The following PDE4D variants were observed in gnomAD, a reference collection of about 807,000 sequenced individuals.
PDE4D encodes 3',5'-cyclic-AMP phosphodiesterase 4D.
In PDE4D, 24 loss-of-function variants were observed where a neutral mutation model predicts 87.4. The observed-to-expected ratio is 0.27, with a 90% CI of 0.20 to 0.39. The LOEUF is 0.39. Ranked by LOEUF, PDE4D falls within the 10% of genes least tolerant of loss-of-function variation. The pLI is 1.00. For missense variants in PDE4D, 714 were observed against 1,041.0 expected, an observed-to-expected ratio of 0.69 and a Z score of 4.32; for synonymous variants, 384 against 383.2, an observed-to-expected ratio of 1.00 and a Z score of -0.02.
At chr5:60,339,892 A>T (rs939560346) in intron 1 of PDE4D, among the ~76,000 whole-genome samples, 1 of 152,258 alleles carries the variant, frequency 6.6e-6, no homozygotes, top group Non-Finnish European at 1.5e-5. Flanking sequence ...GCAACTCAGC[A>T]TGTGCAGTTG....
chr5:59,884,428 T>C (rs1363157569), intron 1 of PDE4D, among the ~76,000 whole-genome samples: 1 of 151,948 alleles, frequency 6.6e-6, no homozygotes, highest in Non-Finnish European at 1.5e-5. Flanking sequence ...TATTCTGTCA[T>C]CTATTCTCTA....
chr5:60,211,008 G>A lies in PDE4D; in HGVS notation c.-89-25321C>T, dbSNP rs889305. 4.5e-3 allele frequency among the ~76,000 whole-genome samples: 680 copies of A among 152,312 alleles called. 5 individuals are homozygous for A. Among genetic ancestry groups the A allele is most frequent in the African/African-American group, 0.016 (656 of 41,574 alleles). On this transcript the variant is annotated intron_variant, in intron 1 of 16. Transcript: ENST00000502484. ...GGAGAGCCTGGCGCTGAGCCTGCAT[G>A]GGACTGGGGCGGACTGAGGGGCGCG...
chr5:60,266,850 G>A (rs2149714316), intron 1 of PDE4D, among the ~76,000 whole-genome samples: 1 of 152,294 alleles, frequency 6.6e-6, no homozygotes, highest in Middle Eastern at 3.4e-3. Flanking sequence ...TCAACCAAAT[G>A]ACTTAACTAT....
chr5:59,026,024 A>ACT (rs1756172097), intron 6 of PDE4D, among the ~76,000 whole-genome samples: 1 of 152,200 alleles, frequency 6.6e-6, no homozygotes, highest in East Asian at 1.9e-4. Flanking sequence ...ATTGCAGAAT[A>ACT]CTCTCTGACA....
At chr5:59,921,860 C>T (rs1308164988) in intron 3 of PDE4D, among the ~76,000 whole-genome samples, 1 of 152,114 alleles carries the variant, frequency 6.6e-6, no homozygotes, top group African/African-American at 2.4e-5. Context: ...ATGATCCACA[C>T]AAAAAGGTAC....
chr5:59,215,743 G>T (rs369905919), intron 2 of PDE4D, 34 bp downstream of exon 2: 38 of 1,580,954 alleles, frequency 2.4e-5, no homozygotes, highest in Non-Finnish European at 3.3e-5. Context: ...AAATTTACTC[G>T]GTTTTCTCTC....
At chr5:60,273,612 G>A (rs529393590) in intron 1 of PDE4D, among the ~76,000 whole-genome samples, 1 of 152,292 alleles carries the variant, frequency 6.6e-6, no homozygotes, top group South Asian at 2.1e-4. Context: ...GCAAGAGATG[G>A]TGAAGACCTG....
In PDE4D at chr5:59,332,728, C is replaced by T. The variant is rs190786836; in HGVS notation, c.456-116760G>A. Among the ~76,000 whole-genome samples the T allele has an allele frequency of 2.2e-3, 333 of 152,208 alleles. 2 individuals are homozygous for T. The highest frequency in any genetic ancestry group is 7.7e-3 in the African/African-American group (319 of 41,558). On this transcript the variant is annotated intron_variant, in intron 1 of 14. Coordinates refer to ENST00000340635, the MANE Select transcript of PDE4D (RefSeq NM_001104631.2). ...TCCATCTTTCTGCACTCAAGATGAC[C>T]ATGTGTCATAGTTCTGGCTAAAGGG... is the stretch of plus-strand genomic sequence containing the variant.
chr5:60,112,506 C>T (rs561507553), intron 2 of PDE4D, among the ~76,000 whole-genome samples: 30 of 152,114 alleles, frequency 2.0e-4, no homozygotes, highest in East Asian at 5.8e-4. Context: ...AAGGACCATC[C>T]GAACTTTCAG....
intron 5 of PDE4D, among the ~76,000 whole-genome samples, chr5:59,116,506 T>A (rs1773639174): frequency 6.6e-6 from 1 of 152,160 alleles, no homozygotes. Context: ...CCTTTCTTAC[T>A]CAGAGTGCTT....
rs1314273009 is a variant in PDE4D at position 59,440,921 on chromosome 5, TATGCTTATCTTTGAGCAGATTTAA to T, written c.456-224977_456-224954del. 7.9e-5 allele frequency among the ~76,000 whole-genome samples: 12 copies of T among 152,344 alleles called. 1 individual carries two copies. The highest frequency in any genetic ancestry group is 3.9e-4 in the Admixed American group (6 of 15,308). ...TGGCATGAGGAGCCCTGCTTCATGG[TATGCTTATCTTTGAGCAGATTTAA>T]ATGCTTATCTTTGAGCAGATTTAAA... On this transcript the variant is annotated intron_variant, in intron 1 of 14. Coordinates refer to ENST00000340635, the MANE Select transcript of PDE4D (RefSeq NM_001104631.2).
chr5:59,908,623 TC>T (rs779313353), intron 3 of PDE4D, among the ~76,000 whole-genome samples: 80 of 152,222 alleles, frequency 5.3e-4, no homozygotes, highest in Non-Finnish European at 9.8e-4. Flanking sequence ...TATATTTTAT[TC>T]ACTATGGACT....
chr5:59,078,979 A>G (rs941742012), intron 5 of PDE4D, among the ~76,000 whole-genome samples: 13 of 152,110 alleles, frequency 8.5e-5, no homozygotes, highest in Non-Finnish European at 1.9e-4. Flanking sequence ...GCTTTCTGCC[A>G]TGTGGTGATG....
At chr5:60,451,077 C>A (rs140223187) in intron 1 of PDE4D, among the ~76,000 whole-genome samples, 2 of 152,056 alleles carry the variant, frequency 1.3e-5, no homozygotes, top group Non-Finnish European at 2.9e-5. Context: ...ATTCTTGGAG[C>A]AGACTCTTGA....
At chr5:59,792,402 C>CTTGTGTG (rs376998746) in intron 1 of PDE4D, among the ~76,000 whole-genome samples, 1 of 138,776 alleles carries the variant, frequency 7.2e-6, no homozygotes, top group Admixed American at 7.2e-5. Flanking sequence ...CTCCAAGAAG[C>CTTGTGTG]TGTGTGTGTG....
intron 1 of PDE4D, among the ~76,000 whole-genome samples, chr5:59,466,708 T>C (rs374728833): frequency 2.6e-5 from 4 of 152,204 alleles, no homozygotes; most frequent in Non-Finnish European, 4.4e-5. Context: ...TAATATTATA[T>C]GCCAGCCCTC....
intron 1 of PDE4D, among the ~76,000 whole-genome samples, chr5:60,398,457 A>G (rs574437325): frequency 3.3e-5 from 5 of 152,322 alleles, no homozygotes; most frequent in East Asian, 1.9e-4. Flanking sequence ...GTGTTTCACC[A>G]TCAACATCAG....
chr5:60,452,832 A>G (rs187963167), intron 1 of PDE4D, among the ~76,000 whole-genome samples: 9 of 152,192 alleles, frequency 5.9e-5, no homozygotes, highest in Admixed American at 3.3e-4. Flanking sequence ...TAAAAGTAGC[A>G]TCTTCATGTT....
intron 9 of PDE4D, among the ~76,000 whole-genome samples, chr5:58,990,453 G>A (rs1747646025): frequency 6.6e-6 from 1 of 152,172 alleles, no homozygotes; most frequent in African/African-American, 2.4e-5. Context: ...TTAGTAGCCA[G>A]CAGGGGCTTT....
Sources: allele counts gnomAD v4.1 joint callset (sites outside exome capture counted in the v4.1 genomes callset), GRCh38; gene constraint gnomAD v4.1.1; transcripts MANE v1.5; gene names NCBI Gene and HGNC (gene_info 2026-07-23, HGNC 2026-07-21).